MZT2A: variants seen among roughly 807,000 people sequenced by gnomAD.
The protein encoded by MZT2A is mitotic spindle organizing protein 2A, also known as mitotic-spindle organizing protein 2A.
MZT2A carries 8 observed loss-of-function variants against 12.4 expected under a neutral mutation model. The ratio of observed to expected loss-of-function variants is 0.64; its 90% CI spans 0.38 to 1.16. MZT2A has a LOEUF of 1.16. Among genes scored for constraint, MZT2A ranks in the 50% most tolerant of loss-of-function variants. The pLI is 0.01. For missense variants in MZT2A, 181 were observed against 223.6 expected (o/e 0.81, Z 1.22); for synonymous variants, 88 against 107.5 (o/e 0.82, Z 1.12).
intron 2 of MZT2A, chr2:131,489,332 A>C (rs10173614): frequency 0.18 from 25,327 of 140,796 alleles, 3,939 homozygotes; most frequent in African/African-American, 0.43. Context: ...GTAGCTGGGA[A>C]TACAGATGGG....
At position 131,478,777 on chromosome 2, in the gene MZT2A, A is replaced by G. The variant is rs181552223; in HGVS notation, c.279-6595T>C. ...CATCTTAGGCATAGAAGGTAAGTAC[A>G]GAACAGTCATTTGCTTCCTTCAGAT... On this transcript the variant is annotated intron_variant and NMD_transcript_variant, in intron 2 of 4. Coordinates refer to the MZT2A transcript ENST00000427024. 6.6e-3 allele frequency: 1,685 copies of G among 255,312 alleles called. 29 individuals carry two copies. Among genetic ancestry groups the G allele is most frequent in the African/African-American group, 0.035 (1,567 of 44,980 alleles). The allele number at this position is 255,312 out of a possible 1,614,324, so 15.8% of individuals were successfully genotyped here. A position where few individuals can be genotyped will look rare whatever the true frequency, so the allele number is the denominator to read the frequency against.
downstream of MZT2A, chr2:131,480,278 G>C: frequency 1.2e-6 from 2 of 1,613,812 alleles, no homozygotes; most frequent in Non-Finnish European, 1.7e-6. Flanking sequence ...ACACGACCCT[G>C]GAACATTCTG....
chr2:131,482,532 T>C (rs1291245764), downstream of MZT2A: 1 of 1,591,094 alleles, frequency 6.3e-7, no homozygotes. Flanking sequence ...ATGGACTGCT[T>C]TCTTTCCCTT....
chr2:131,484,116 G>C lies in MZT2A; in HGVS notation c.422C>G (p.Thr141Ser). The C allele has an allele frequency of 6.2e-7, 1 of 1,614,046 alleles. No homozygotes were observed. The highest frequency in any genetic ancestry group is 1.1e-5 in the South Asian group (1 of 91,078). The change falls in exon 3 of 3, where the codon ACC (threonine) becomes AGC (serine). Residue 141 changes from threonine (T) to serine (S), a missense_variant. Thr to Ser is a moderately conservative substitution (Grantham distance 58). Coordinates refer to ENST00000309451, the MANE Select transcript of MZT2A (RefSeq NM_001085365.2). ...AGGCCCGCCCCCCTTGGGCAGCCTG[G>C]TAGCGCTGGGCTGGCGTGGCATCCT... ...SQRMPRQPSATRLPKGGGPGK... is the reference protein window; with the variant it reads ...SQRMPRQPSASRLPKGGGPGK...
chr2:131,490,663 T>A (rs1384444817), intron 2 of MZT2A: 13 of 1,549,060 alleles, frequency 8.4e-6, no homozygotes, highest in East Asian at 2.4e-5. Flanking sequence ...GCAGTTTCCA[T>A]GAAAACAAGG....
downstream of MZT2A, chr2:131,482,701 G>T (rs2104728866): frequency 1.9e-6 from 3 of 1,614,218 alleles, no homozygotes; most frequent in Non-Finnish European, 2.5e-6. Context: ...ATGCCAAGCG[G>T]GCCTTTGTGC....
At chr2:131,486,097 T>C (rs1457721844) in intron 2 of MZT2A, among the ~76,000 whole-genome samples, 5 of 150,370 alleles carry the variant, frequency 3.3e-5, no homozygotes, top group African/African-American at 7.5e-5. Context: ...TGAACAAAGA[T>C]GGAGTCAGGG....
chr2:131,479,441 C>T (rs779743601), downstream of MZT2A: 1 of 1,614,118 alleles, frequency 6.2e-7, no homozygotes, highest in South Asian at 1.1e-5. Flanking sequence ...TAGTCCTGGA[C>T]CGGATCCGCA....
upstream of MZT2A, among the ~76,000 whole-genome samples, chr2:131,493,386 T>C (rs181879191): frequency 1.5e-3 from 235 of 152,286 alleles, no homozygotes; most frequent in African/African-American, 5.2e-3. Flanking sequence ...TAGGTGTTCG[T>C]TGAAGGTTAC....
chr2:131,486,605 C>CTT (rs71275921), intron 2 of MZT2A: 6 of 144,288 alleles, frequency 4.2e-5, no homozygotes, highest in South Asian at 2.2e-4. Context: ...GCAAATAATG[C>CTT]TTTTTTTTTT....
chr2:131,489,000 C>T (rs1336416119), intron 2 of MZT2A, among the ~76,000 whole-genome samples: 4 of 151,168 alleles, frequency 2.6e-5, no homozygotes, highest in African/African-American at 9.8e-5. Flanking sequence ...TGACTGTGCC[C>T]CCCCACCTGC....
intron 1 of MZT2A, 68 bp downstream of exon 1, chr2:131,492,139 C>G: frequency 2.6e-6 from 4 of 1,537,954 alleles, no homozygotes; most frequent in African/African-American, 1.4e-5. Context: ...ACCAGCGGGC[C>G]GGGCGTACCC....
At chr2:131,474,543 G>T (rs1487034299) in intron 2 of MZT2A, among the ~76,000 whole-genome samples, 2 of 150,764 alleles carry the variant, frequency 1.3e-5, no homozygotes, top group Non-Finnish European at 2.9e-5. Flanking sequence ...CCAAGTAGCT[G>T]GGACTATAGG....
In MZT2A at chr2:131,490,745, C is replaced by T. The variant is rs531747704; in HGVS notation, c.319+1131G>A. On this transcript the variant is annotated intron_variant, in intron 2 of 2. Coordinates refer to ENST00000309451, the MANE Select transcript of MZT2A (RefSeq NM_001085365.2). Reference sequence around the variant, plus strand: ...AGGAGAGAACAGGCAGCAAGAGAGGCGGAGGGAACCCGGGGGGCCTGGAGA... The same window carrying T: ...AGGAGAGAACAGGCAGCAAGAGAGGTGGAGGGAACCCGGGGGGCCTGGAGA... The T allele has an allele frequency of 1.6e-5, 25 of 1,544,682 alleles. No individual in the cohort carries two copies. In the South Asian group the frequency reaches 2.0e-4, roughly 13 times the overall value.
chr2:131,480,054 T>C (rs1356984407), downstream of MZT2A: 1 of 1,566,838 alleles, frequency 6.4e-7, no homozygotes, highest in South Asian at 1.2e-5. Context: ...GCTCACGTTG[T>C]GTGGTTTCTC....
chr2:131,476,091 C>A, intron 2 of MZT2A: 1 of 1,549,980 alleles, frequency 6.5e-7, no homozygotes. Flanking sequence ...CACCGGCGGG[C>A]CAATCCCGTG....
At chr2:131,478,391 G>T (rs1229449949) in intron 2 of MZT2A, 9 of 1,607,424 alleles carry the variant, frequency 5.6e-6, no homozygotes, top group Non-Finnish European at 7.7e-6. Flanking sequence ...TGGTCGGTAG[G>T]TGCCTGGGCA....
At chr2:131,488,770 C>T (rs566138305) in intron 2 of MZT2A, among the ~76,000 whole-genome samples, 1 of 152,142 alleles carries the variant, frequency 6.6e-6, no homozygotes, top group Non-Finnish European at 1.5e-5. Flanking sequence ...GCCTCGGTGC[C>T]CTCATGTCGT....
chr2:131,481,951 G>T (rs7583920), downstream of MZT2A, among the ~76,000 whole-genome samples: 25,981 of 152,210 alleles, frequency 0.17, 4,067 homozygotes, highest in African/African-American at 0.42. Context: ...GTCATGTTAT[G>T]CCCGAGTTCT....
Sources: gnomAD v4.1 joint callset for allele counts (sites outside exome capture counted in the v4.1 genomes callset) on GRCh38, gnomAD v4.1.1 for gene constraint, MANE v1.5 for transcripts, NCBI Gene and HGNC (gene_info 2026-07-23, HGNC 2026-07-21) for gene names.